Variants in CNTN6 observed in about 807,000 individuals in gnomAD.
CNTN6 encodes contactin 6.
A neutral mutation model predicts 122.8 loss-of-function variants in CNTN6; 137 were observed. The ratio of observed to expected loss-of-function variants is 1.12; its 90% confidence interval spans 0.97 to 1.29. The LOEUF is 1.29. Ranked by LOEUF, CNTN6 falls within the 50% of genes most tolerant of loss-of-function variation. The pLI is 0.00. For missense variants in CNTN6, 1,634 were observed against 1,223.4 expected (o/e 1.34, Z -5.01); for synonymous variants, 570 against 426.0 (o/e 1.34, Z -4.16).
intron 4 of CNTN6, among the ~76,000 whole-genome samples, chr3:1,245,305 T>TAACATATATAAC (rs1192618728): frequency 2.8e-4 from 3 of 10,608 alleles, no homozygotes; most frequent in Admixed American, 1.5e-3. Flanking sequence ...CATATATATA[T>TAACATATATAAC]ATATATATAT....
At position 1,363,061 on chromosome 3, in the gene CNTN6, CA is replaced by C. The variant is rs763396398; in HGVS notation, c.1493-9235del. 5.9e-5 allele frequency among the ~76,000 whole-genome samples: 9 copies of C among 151,886 alleles called. No individual in the cohort carries two copies. In the East Asian group the frequency reaches 1.6e-3, roughly 26 times the overall value. On this transcript the variant is annotated intron_variant, in intron 12 of 22. Coordinates refer to ENST00000446702, the MANE Select transcript of CNTN6 (RefSeq NM_001289080.2). ...AATAAAGACAAAATAAAGATGCTTT[CA>C]AACAAACAAAACCTGAGAGAATCCC...
At chr3:1,385,583 ATTGC>A (rs753353745) in intron 19 of CNTN6, 24 bp from the exon 20 acceptor site, 158 of 1,551,136 alleles carry the variant, frequency 1.0e-4, no homozygotes, top group Non-Finnish European at 1.3e-4. Flanking sequence ...GGAACAATAA[ATTGC>A]TTGTTTTGGT....
rs559391693 is a variant in CNTN6 at position 1,118,721 on chromosome 3, A to G, written c.-83+25601A>G. 6.6e-5 allele frequency among the ~76,000 whole-genome samples: 10 copies of G among 152,296 alleles called. No individual in the cohort carries two copies. In the South Asian group the frequency reaches 2.1e-3, roughly 32 times the overall value. Reference sequence around the variant, plus strand: ...GTCTTTCATATAGTCATGTCTCTCTAATTCATAATTTAATGGAAATTATTT... The same window carrying G: ...GTCTTTCATATAGTCATGTCTCTCTGATTCATAATTTAATGGAAATTATTT... On this transcript the variant is annotated intron_variant, in intron 1 of 22. Coordinates refer to ENST00000446702, the MANE Select transcript of CNTN6 (RefSeq NM_001289080.2).
chr3:1,205,729 T>C (rs1329035809), intron 2 of CNTN6, among the ~76,000 whole-genome samples: 1 of 152,148 alleles, frequency 6.6e-6, no homozygotes, highest in Non-Finnish European at 1.5e-5. Context: ...AAGGGACCAG[T>C]AAAATGTTGC....
intron 1 of CNTN6, among the ~76,000 whole-genome samples, chr3:1,106,945 T>C (rs1197026405): frequency 1.3e-5 from 2 of 152,134 alleles, no homozygotes; most frequent in Non-Finnish European, 2.9e-5. Flanking sequence ...TTCAGAGAAA[T>C]AGAACGAATA....
At chr3:1,339,531 G>A (rs945318708) in intron 11 of CNTN6, among the ~76,000 whole-genome samples, 1 of 152,112 alleles carries the variant, frequency 6.6e-6, no homozygotes, top group Non-Finnish European at 1.5e-5. Context: ...GAGAGTGAGG[G>A]CAATTCACTA....
At chr3:1,380,050 A>G (rs1190419126) in intron 17 of CNTN6, among the ~76,000 whole-genome samples, 1 of 152,180 alleles carries the variant, frequency 6.6e-6, no homozygotes, top group Non-Finnish European at 1.5e-5. Context: ...GAGGTCAGGA[A>G]AGACACCATC....
chr3:1,277,047 T>C (rs1692500777), intron 4 of CNTN6, among the ~76,000 whole-genome samples: 1 of 152,210 alleles, frequency 6.6e-6, no homozygotes, highest in African/African-American at 2.4e-5. Context: ...TTCATCATTT[T>C]TGCTTGCCAT....
chr3:1,347,793 G>T (rs909222012), intron 11 of CNTN6, among the ~76,000 whole-genome samples: 1 of 152,086 alleles, frequency 6.6e-6, no homozygotes, highest in African/African-American at 2.4e-5. Flanking sequence ...AGATCAAAAA[G>T]ATTAAGTAGC....
In CNTN6 at chr3:1,386,951, C is replaced by G. The variant is rs17038510; in HGVS notation, c.2704+1154C>G. The stretch of plus-strand genomic sequence containing the variant: ...TGTCCAAAAGAAGTTAGTTAGGAAC[C>G]ATCTCAGAGAATAGGCCCTTGATTA... On this transcript the variant is annotated intron_variant, in intron 20 of 22. Transcript: ENST00000446702. Among the ~76,000 whole-genome samples the G allele has an allele frequency of 8.6e-5, 13 of 152,014 alleles. No homozygotes were observed. The South Asian group carries it at 1.0e-3, about 12-fold the overall frequency.
intron 3 of CNTN6, among the ~76,000 whole-genome samples, chr3:1,221,950 C>T (rs2094212939): frequency 6.6e-6 from 1 of 152,186 alleles, no homozygotes; most frequent in African/African-American, 2.4e-5. Flanking sequence ...AAAATACACT[C>T]TTGATGTGCA....
intron 3 of CNTN6, among the ~76,000 whole-genome samples, chr3:1,226,295 T>TA (rs2094282667): frequency 6.6e-6 from 1 of 151,812 alleles, no homozygotes; most frequent in African/African-American, 2.4e-5. Flanking sequence ...GCATAAACCC[T>TA]AAAAAACACA....
chr3:1,350,997 A>G (rs973975129), intron 11 of CNTN6, among the ~76,000 whole-genome samples: 1 of 151,878 alleles, frequency 6.6e-6, no homozygotes, highest in East Asian at 1.9e-4. Flanking sequence ...ACATCTCAGA[A>G]ATTAAATAAG....
chr3:1,314,749 A>G (rs1223422640), intron 7 of CNTN6, among the ~76,000 whole-genome samples: 1 of 150,740 alleles, frequency 6.6e-6, no homozygotes, highest in African/African-American at 2.5e-5. Flanking sequence ...TTCCAGAAGC[A>G]CGAAACCACA....
intron 3 of CNTN6, among the ~76,000 whole-genome samples, chr3:1,221,804 T>C (rs923996948): frequency 6.6e-6 from 1 of 152,150 alleles, no homozygotes; most frequent in African/African-American, 2.4e-5. Flanking sequence ...TATTAAACTT[T>C]TGTAGCTTTG....
At chr3:1,165,576 A>C (rs904787780) in intron 2 of CNTN6, among the ~76,000 whole-genome samples, 1 of 151,948 alleles carries the variant, frequency 6.6e-6, no homozygotes, top group Non-Finnish European at 1.5e-5. Flanking sequence ...CCCCCACTAC[A>C]CACACACACT....
intron 4 of CNTN6, among the ~76,000 whole-genome samples, chr3:1,249,753 T>A (rs1345859253): frequency 6.6e-6 from 1 of 152,188 alleles, no homozygotes; most frequent in Admixed American, 6.5e-5. Context: ...AGAAATCCCA[T>A]CCAAACAAGC....
chr3:1,105,923 A>C (rs931297050), intron 1 of CNTN6, among the ~76,000 whole-genome samples: 5 of 152,206 alleles, frequency 3.3e-5, no homozygotes, highest in Non-Finnish European at 7.4e-5. Flanking sequence ...TGAACAAAAT[A>C]GCACATATTA....
intron 14 of CNTN6, among the ~76,000 whole-genome samples, chr3:1,373,194 G>T (rs1406539483): frequency 6.6e-6 from 1 of 152,098 alleles, no homozygotes; most frequent in Admixed American, 6.6e-5. Flanking sequence ...GTCACGCTTG[G>T]CAAGCGGTGT....
Sources: allele counts gnomAD v4.1 joint callset (sites outside exome capture counted in the v4.1 genomes callset), GRCh38; gene constraint gnomAD v4.1.1; transcripts MANE v1.5; gene names NCBI Gene and HGNC (gene_info 2026-07-23, HGNC 2026-07-21).